RBFOX1: variants seen among roughly 807,000 people sequenced by gnomAD.
The protein encoded by RBFOX1 is RNA binding protein fox-1 homolog 1.
In RBFOX1, 8 loss-of-function variants were observed where a neutral mutation model predicts 57.7. The ratio of observed to expected loss-of-function variants is 0.14; its 90% CI spans 0.08 to 0.25. RBFOX1 has a LOEUF of 0.25. Ranked by LOEUF, RBFOX1 falls within the 10% of genes least tolerant of loss-of-function variation. The probability of loss-of-function intolerance (pLI) is 1.00; values close to 1 mark genes in which losing one functional copy is unlikely to be tolerated. For missense variants in RBFOX1, 611 were observed against 548.5 expected, an observed-to-expected ratio of 1.11 and a Z score of -1.14; for synonymous variants, 326 against 222.4, an observed-to-expected ratio of 1.47 and a Z score of -4.15.
chr16:6,919,050 A>C (rs1193805650), intron 3 of RBFOX1, among the ~76,000 whole-genome samples: 3 of 152,150 alleles, frequency 2.0e-5, no homozygotes, highest in Admixed American at 2.0e-4. Flanking sequence ...GTAGGATCTC[A>C]GCTCACTGCA....
At chr16:6,565,977 C>T (rs998387624) in intron 2 of RBFOX1, among the ~76,000 whole-genome samples, 11 of 152,198 alleles carry the variant, frequency 7.2e-5, no homozygotes, top group African/African-American at 2.7e-4. Flanking sequence ...CCTGCACTGG[C>T]TGGGAGTGCT....
intron 3 of RBFOX1, among the ~76,000 whole-genome samples, chr16:6,904,598 C>CAAAAAAAAAAAAAAAAAAAAAAAA (rs2069311907): frequency 2.2e-5 from 1 of 45,862 alleles, no homozygotes; most frequent in Admixed American, 3.8e-4. Flanking sequence ...GAGACTCTCT[C>CAAAAAAAAAAAAAAAAAAAAAAAA]TAAAAAAAAA....
At chr16:7,054,226 C>G (rs867074697) in intron 4 of RBFOX1, among the ~76,000 whole-genome samples, 2,436 of 8,746 alleles carry the variant, frequency 0.28, 25 homozygotes, top group Middle Eastern at 0.5. Flanking sequence ...GGGGGGGGGG[C>G]GGGGAGCTTT....
At chr16:6,803,200 C>A (rs758551471) in intron 3 of RBFOX1, among the ~76,000 whole-genome samples, 1 of 151,992 alleles carries the variant, frequency 6.6e-6, no homozygotes, top group African/African-American at 2.4e-5. Context: ...TGAAAATAGT[C>A]GAAAATGTTC....
At chr16:5,306,605 C>T (rs537054526) in intron 1 of RBFOX1, among the ~76,000 whole-genome samples, 3 of 152,250 alleles carry the variant, frequency 2.0e-5, no homozygotes, top group South Asian at 2.1e-4. Flanking sequence ...CCATGCCTGG[C>T]CGGGGTCTTG....
chr16:6,354,312 G>T (rs922817626), intron 2 of RBFOX1, among the ~76,000 whole-genome samples: 1 of 152,094 alleles, frequency 6.6e-6, no homozygotes, highest in Admixed American at 6.6e-5. Flanking sequence ...TTTGGCTTCT[G>T]TTGCTCTCTG....
At chr16:5,674,358 G>A (rs974191257) in intron 3 of RBFOX1, among the ~76,000 whole-genome samples, 2 of 152,150 alleles carry the variant, frequency 1.3e-5, no homozygotes, top group Admixed American at 1.3e-4. Flanking sequence ...CTCTACAATG[G>A]GTAAAATATT....
intron 4 of RBFOX1, among the ~76,000 whole-genome samples, chr16:7,423,573 C>G (rs144793034): frequency 2.6e-5 from 4 of 152,098 alleles, no homozygotes; most frequent in African/African-American, 9.7e-5. Context: ...CCTACCCTCA[C>G]ACTACTGGAA....
At chr16:5,493,839 T>C (rs1334979104) in intron 2 of RBFOX1, among the ~76,000 whole-genome samples, 3 of 152,160 alleles carry the variant, frequency 2.0e-5, no homozygotes. Context: ...TGTACCAGCG[T>C]TGGAGGGAAG....
chr16:7,100,565 GTT>G (rs201889492), intron 4 of RBFOX1, among the ~76,000 whole-genome samples: 68,558 of 118,344 alleles, frequency 0.58, 17,512 homozygotes, highest in Middle Eastern at 0.64. Flanking sequence ...TTTAAAGGTT[GTT>G]TTTTTTTTTT....
chr16:6,770,036 G>A (rs981118568), intron 3 of RBFOX1, among the ~76,000 whole-genome samples: 1 of 152,128 alleles, frequency 6.6e-6, no homozygotes, highest in Non-Finnish European at 1.5e-5. Context: ...TGGTTGACAG[G>A]ACTTTTAATG....
At chr16:6,332,135 G>A (rs888577371) in intron 2 of RBFOX1, among the ~76,000 whole-genome samples, 2 of 152,202 alleles carry the variant, frequency 1.3e-5, no homozygotes, top group African/African-American at 2.4e-5. Flanking sequence ...CTAATATGTG[G>A]ATGCCTGGGA....
Position 6,547,259 on chromosome 16 carries a change from T to G in RBFOX1, c.-63-107344T>G, listed in dbSNP as rs530720727. Among the ~76,000 whole-genome samples the G allele has an allele frequency of 2.0e-5, 3 of 152,320 alleles. No homozygotes were observed. In the East Asian group the frequency reaches 5.8e-4, roughly 29 times the overall value. ...GTTTTTTCTTCCTCCTCTTTCTTCC[T>G]GGGAATCATTACCAGCCCCGGCTGG... On this transcript the variant is annotated intron_variant, in intron 2 of 15. Transcript: ENST00000550418.
intron 4 of RBFOX1, among the ~76,000 whole-genome samples, chr16:7,390,728 T>C (rs1466003376): frequency 6.6e-6 from 1 of 152,186 alleles, no homozygotes; most frequent in Non-Finnish European, 1.5e-5. Flanking sequence ...TTATAAGAAC[T>C]GACAATGCAT....
intron 3 of RBFOX1, among the ~76,000 whole-genome samples, chr16:5,788,860 A>C (rs1014811409): frequency 2.0e-5 from 3 of 152,118 alleles, no homozygotes; most frequent in Admixed American, 2.0e-4. Flanking sequence ...AGGCCCCAAA[A>C]GCAATTCAGA....
intron 11 of RBFOX1, among the ~76,000 whole-genome samples, chr16:7,631,939 T>C (rs1339847882): frequency 6.6e-6 from 1 of 152,164 alleles, no homozygotes; most frequent in African/African-American, 2.4e-5. Context: ...AGACAAAGTC[T>C]CACTCTGTTA....
chr16:7,306,424 G>A lies in RBFOX1; in HGVS notation c.28-211723G>A, dbSNP rs541785672. ...GCAGCCACAACAAATATTTAGAAGTGACTAAATCAGCATCATGGTTCCATA... is the reference window on the plus strand; with the variant it reads ...GCAGCCACAACAAATATTTAGAAGTAACTAAATCAGCATCATGGTTCCATA... On this transcript the variant is annotated intron_variant, in intron 4 of 15. Coordinates refer to ENST00000550418, the MANE Select transcript of RBFOX1 (RefSeq NM_018723.4). Among the ~76,000 whole-genome samples the A allele has an allele frequency of 2.0e-5, 3 of 152,282 alleles. No homozygotes were observed. In the South Asian group the frequency reaches 6.2e-4, roughly 32 times the overall value.
At chr16:7,480,799 C>T (rs535986126) in intron 4 of RBFOX1, among the ~76,000 whole-genome samples, 6 of 152,114 alleles carry the variant, frequency 3.9e-5, no homozygotes, top group Non-Finnish European at 8.8e-5. Context: ...TCTGCTGGGC[C>T]TTGGCACTTA....
chr16:7,459,157 A>C (rs1321870735), intron 4 of RBFOX1, among the ~76,000 whole-genome samples: 3 of 152,122 alleles, frequency 2.0e-5, no homozygotes, highest in Non-Finnish European at 4.4e-5. Flanking sequence ...GGGTAGATGT[A>C]TGGACTGAAT....
Sources: allele counts gnomAD v4.1 joint callset (sites outside exome capture counted in the v4.1 genomes callset), GRCh38; gene constraint gnomAD v4.1.1; transcripts MANE v1.5; gene names NCBI Gene and HGNC (gene_info 2026-07-23, HGNC 2026-07-21).